Variants in KCNMA1 observed in about 807,000 individuals in gnomAD.
The protein encoded by KCNMA1 is potassium calcium-activated channel subfamily M alpha 1.
KCNMA1 carries 29 observed loss-of-function variants against 140.0 expected under a neutral mutation model. The observed-to-expected ratio is 0.21, with a 90% CI of 0.15 to 0.28. The LOEUF is 0.28. Among genes scored for constraint, KCNMA1 ranks in the 10% least tolerant of loss-of-function variants. The pLI, the probability that KCNMA1 is intolerant of heterozygous loss-of-function variation, is 1.00. For synonymous variants in KCNMA1, 612 were observed against 611.9 expected, an observed-to-expected ratio of 1.00 and a Z score of 0.00; for missense variants, 880 against 1,602.2, an observed-to-expected ratio of 0.55 and a Z score of 7.70.
chr10:77,086,787 A>C (rs1566008170), intron 10 of KCNMA1, among the ~76,000 whole-genome samples, 194 bp from the exon 11 acceptor site: 2 of 152,214 alleles, frequency 1.3e-5, no homozygotes. Context: ...AAACCAAACC[A>C]GTACCATGGT....
chr10:77,152,825 C>A (rs775959135), intron 5 of KCNMA1, among the ~76,000 whole-genome samples: 3 of 152,190 alleles, frequency 2.0e-5, no homozygotes, highest in Non-Finnish European at 4.4e-5. Flanking sequence ...ACAGGGCCAG[C>A]CTCCCAGGAA....
intron 2 of KCNMA1, among the ~76,000 whole-genome samples, chr10:77,327,906 A>T (rs1236098496): frequency 6.6e-6 from 1 of 152,196 alleles, no homozygotes; most frequent in Non-Finnish European, 1.5e-5. Flanking sequence ...TTTTATGTCA[A>T]CACAACCCCA....
chr10:77,355,731 GACA>G (rs1032543861), intron 2 of KCNMA1, among the ~76,000 whole-genome samples: 1 of 152,218 alleles, frequency 6.6e-6, no homozygotes, highest in Non-Finnish European at 1.5e-5. Flanking sequence ...AATTAGATAA[GACA>G]ATACATGCCC....
intron 1 of KCNMA1, among the ~76,000 whole-genome samples, chr10:77,573,608 AAATGGAATGGAATGG>A (rs1207560008): frequency 0.022 from 1,288 of 57,488 alleles, 39 homozygotes; most frequent in Non-Finnish European, 0.038. Flanking sequence ...TTTTTTAAGA[AAATGGAATGGAATGG>A]AATGGAATGG....
At chr10:77,230,233 A>G (rs572925110) in intron 3 of KCNMA1, among the ~76,000 whole-genome samples, 174 of 152,354 alleles carry the variant, frequency 1.1e-3, no homozygotes, top group Non-Finnish European at 2.0e-3. Context: ...AACATCTAGA[A>G]GAGGTAAATC....
chr10:77,085,373 G>A (rs1207723266), intron 11 of KCNMA1, among the ~76,000 whole-genome samples: 1 of 152,138 alleles, frequency 6.6e-6, no homozygotes, highest in Non-Finnish European at 1.5e-5. Context: ...GAGCCCACAG[G>A]GGTTTATTCC....
chr10:77,447,917 G>A (rs776183318), intron 1 of KCNMA1, among the ~76,000 whole-genome samples: 3 of 152,170 alleles, frequency 2.0e-5, no homozygotes, highest in South Asian at 4.1e-4. Flanking sequence ...TAAAACAACC[G>A]AGGGCTTAGT....
At chr10:77,432,391 T>C (rs1032431004) in intron 1 of KCNMA1, among the ~76,000 whole-genome samples, 6 of 152,232 alleles carry the variant, frequency 3.9e-5, no homozygotes, top group African/African-American at 1.2e-4. Context: ...ATCCTGCTTC[T>C]CTTATTTCCC....
intron 3 of KCNMA1, among the ~76,000 whole-genome samples, chr10:77,247,545 T>G (rs1362203156): frequency 6.6e-6 from 1 of 152,186 alleles, no homozygotes; most frequent in Non-Finnish European, 1.5e-5. Flanking sequence ...GATCAGAATA[T>G]GTGGGAGGAC....
At chr10:76,999,344 C>A (rs1311072496) in intron 19 of KCNMA1, among the ~76,000 whole-genome samples, 2 of 152,216 alleles carry the variant, frequency 1.3e-5, no homozygotes, top group Non-Finnish European at 2.9e-5. Context: ...TAGCTCAGAG[C>A]CAGAGTGGCT....
rs901024096 is a variant in KCNMA1, at chr10:77,251,332, G to A, written c.541-76C>T. ...TTTGGGTTTTTTGACACATACCGAA[G>A]CAGCTTTGAAATACGGTGCCCATTG... On this transcript the variant is annotated intron_variant, in intron 2 of 27. Transcript: ENST00000286628. The A allele has an allele frequency of 2.6e-6, 3 of 1,155,850 alleles. No individual in the cohort carries two copies. In the African/African-American group the frequency reaches 4.6e-5, roughly 18 times the overall value. The allele number at this position is 1,155,850 out of a possible 1,614,324, so 71.6% of individuals were successfully genotyped here.
At chr10:76,896,936 A>G (rs2042795766) in intron 25 of KCNMA1, among the ~76,000 whole-genome samples, 1 of 151,936 alleles carries the variant, frequency 6.6e-6, no homozygotes, top group African/African-American at 2.4e-5. Context: ...TTTTAAAATA[A>G]ATAGTTAAAA....
chr10:77,577,663 A>G (rs2074624361), intron 1 of KCNMA1, among the ~76,000 whole-genome samples: 1 of 152,238 alleles, frequency 6.6e-6, no homozygotes, highest in African/African-American at 2.4e-5. Context: ...TTCTTTGTAA[A>G]TATCTAGATT....
At chr10:77,015,966 GA>G (rs1237597511) in intron 17 of KCNMA1, among the ~76,000 whole-genome samples, 1 of 152,104 alleles carries the variant, frequency 6.6e-6, no homozygotes, top group African/African-American at 2.4e-5. Flanking sequence ...AATGCAGGAA[GA>G]ATGACCTTTT....
intron 1 of KCNMA1, among the ~76,000 whole-genome samples, chr10:77,491,688 C>CT: frequency 6.7e-6 from 1 of 150,170 alleles, no homozygotes; most frequent in Non-Finnish European, 1.5e-5. Flanking sequence ...GGGCCTCACC[C>CT]TGGGGGGAAA....
intron 3 of KCNMA1, among the ~76,000 whole-genome samples, chr10:77,205,195 T>C (rs1490878660): frequency 6.6e-6 from 1 of 152,196 alleles, no homozygotes; most frequent in Admixed American, 6.5e-5. Flanking sequence ...ACAGAGGTGA[T>C]TGAAGCCCCA....
At chr10:77,033,619 G>GA (rs2094107945) in intron 15 of KCNMA1, among the ~76,000 whole-genome samples, 1 of 152,086 alleles carries the variant, frequency 6.6e-6, no homozygotes, top group African/African-American at 2.4e-5. Flanking sequence ...TAATATGAAA[G>GA]AAAAAACCAT....
chr10:76,967,735 A>G (rs1476775462), intron 20 of KCNMA1, among the ~76,000 whole-genome samples: 2 of 152,208 alleles, frequency 1.3e-5, no homozygotes, highest in Non-Finnish European at 2.9e-5. Context: ...AGCGACAGGA[A>G]CTGAGGCCTT....
chr10:77,393,515 A>G (rs2095915501), intron 2 of KCNMA1, among the ~76,000 whole-genome samples: 1 of 152,250 alleles, frequency 6.6e-6, no homozygotes, highest in South Asian at 2.1e-4. Context: ...AGATGAGGAA[A>G]CTGAGGTATG....
Sources: gnomAD v4.1 joint callset for allele counts (sites outside exome capture counted in the v4.1 genomes callset) on GRCh38, gnomAD v4.1.1 for gene constraint, MANE v1.5 for transcripts, NCBI Gene and HGNC (gene_info 2026-07-23, HGNC 2026-07-21) for gene names.